Variants in ZMYM1 observed in about 807,000 individuals in gnomAD.
The protein encoded by ZMYM1 is zinc finger MYM-type protein 1.
Under a neutral mutation model 60.0 loss-of-function variants are expected in ZMYM1, and 39 were observed. The observed-to-expected ratio is 0.65, with a 90% CI of 0.50 to 0.85. The LOEUF (loss-of-function observed/expected upper bound fraction) is 0.85, where lower values mean the gene tolerates loss of function less well. Among genes scored for constraint, ZMYM1 ranks in the 40% least tolerant of loss-of-function variants. ZMYM1 has a pLI of 0.00. For missense variants in ZMYM1, 1,171 were observed against 1,309.5 expected, an observed-to-expected ratio of 0.89 and a Z score of 1.63; for synonymous variants, 413 against 454.0, an observed-to-expected ratio of 0.91 and a Z score of 1.15.
intron 8 of ZMYM1, 64 bp downstream of exon 8, chr1:35,111,976 A>G: frequency 1.9e-6 from 3 of 1,557,568 alleles, no homozygotes; most frequent in Admixed American, 4.0e-5. Flanking sequence ...AAATCTGTCT[A>G]TATGCTAAAT....
At chr1:35,100,614 C>A (rs1272395697) in intron 4 of ZMYM1, among the ~76,000 whole-genome samples, 2 of 149,412 alleles carry the variant, frequency 1.3e-5, no homozygotes, top group Non-Finnish European at 3.0e-5. Flanking sequence ...GGAGTGAGAC[C>A]CTGTCTCAAA....
At chr1:35,076,513 C>T (rs1642168511), upstream of ZMYM1, among the ~76,000 whole-genome samples, 1 of 150,952 alleles carries the variant, frequency 6.6e-6, no homozygotes, top group Non-Finnish European at 1.5e-5. Flanking sequence ...CCCAACTACT[C>T]AGGAGGCTGA....
chr1:35,115,289 C>T lies in ZMYM1; in HGVS notation c.*30C>T. The T allele has an allele frequency of 6.6e-7, 1 of 1,507,442 alleles. No individual in the cohort carries two copies. The highest frequency in any genetic ancestry group is 8.8e-7 in the Non-Finnish European group (1 of 1,135,982). 93.4% of individuals were successfully genotyped at this position (1,507,442 alleles called of 1,614,324 possible). ...TGCTCATTTGAACTTACCTAAAAGA[C>T]TTGTATTTCCATTGGGATGTTTTCA... On this transcript the variant is annotated 3_prime_UTR_variant, in exon 10 of 10. Coordinates refer to ENST00000359858, the MANE Select transcript of ZMYM1 (RefSeq NM_024772.5).
intron 2 of ZMYM1, among the ~76,000 whole-genome samples, chr1:35,094,945 G>A (rs1332317690): frequency 1.3e-5 from 2 of 152,086 alleles, no homozygotes; most frequent in Non-Finnish European, 2.9e-5. Flanking sequence ...TTTATTTGTA[G>A]TATTCTATTT....
At chr1:35,067,658 T>A (rs1043465871) in intron 1 of ZMYM1, among the ~76,000 whole-genome samples, 3 of 151,984 alleles carry the variant, frequency 2.0e-5, no homozygotes, top group African/African-American at 7.2e-5. Flanking sequence ...GTGGATCACC[T>A]GAAGTCGGGA....
chr1:35,106,789 T>TTTTC (rs1176938928), intron 6 of ZMYM1, among the ~76,000 whole-genome samples: 1 of 151,956 alleles, frequency 6.6e-6, no homozygotes, highest in East Asian at 1.9e-4. Flanking sequence ...ATTCCTTTTT[T>TTTTC]TTTCTTTCTT....
intron 1 of ZMYM1, among the ~76,000 whole-genome samples, chr1:35,084,494 G>A (rs1420975127): frequency 1.3e-5 from 2 of 152,238 alleles, no homozygotes; most frequent in Non-Finnish European, 2.9e-5. Context: ...GTTGAGGGTT[G>A]ATTATAGGTC....
intron 1 of ZMYM1, among the ~76,000 whole-genome samples, chr1:35,092,543 C>T (rs1427026927): frequency 6.6e-6 from 1 of 151,862 alleles, no homozygotes; most frequent in Non-Finnish European, 1.5e-5. Flanking sequence ...GCCCGGCCAA[C>T]AGGTCTTTTC....
At chr1:35,068,640 A>C (rs866381035) in intron 1 of ZMYM1, among the ~76,000 whole-genome samples, 12 of 118,138 alleles carry the variant, frequency 1.0e-4, no homozygotes, top group African/African-American at 4.6e-4. Context: ...ATCCATACGC[A>C]AAAAAAAAAA....
chr1:35,076,918 A>G (rs1569853484), upstream of ZMYM1, among the ~76,000 whole-genome samples: 6 of 150,990 alleles, frequency 4.0e-5, no homozygotes, highest in South Asian at 1.3e-3. Context: ...CAGGGTGACA[A>G]GAGCAAAACT....
intron 1 of ZMYM1, among the ~76,000 whole-genome samples, chr1:35,072,647 A>T (rs556400228): frequency 2.8e-4 from 42 of 152,080 alleles, no homozygotes; most frequent in African/African-American, 9.9e-4. Flanking sequence ...TAGGTAGTTA[A>T]TTAGAAATAT....
chr1:35,097,111 A>G (rs907266921), intron 3 of ZMYM1, among the ~76,000 whole-genome samples: 2 of 152,176 alleles, frequency 1.3e-5, no homozygotes, highest in African/African-American at 4.8e-5. Flanking sequence ...GGCGTGAGCC[A>G]CCGCACCAGG....
chr1:35,110,588 G>A (rs2148565199), intron 7 of ZMYM1, 141 bp downstream of exon 7: 1 of 743,518 alleles, frequency 1.3e-6, no homozygotes, highest in Non-Finnish European at 1.8e-6. Flanking sequence ...GCAAAGAACT[G>A]TTTTTCAGTA....
chr1:35,111,986 T>G, intron 8 of ZMYM1, 74 bp downstream of exon 8: 15 of 1,555,502 alleles, frequency 9.6e-6, no homozygotes, highest in Non-Finnish European at 1.3e-5. Context: ...ATATGCTAAA[T>G]TTTCTTTTTG....
At position 35,104,540 on chromosome 1, in the gene ZMYM1, T is replaced by C; in HGVS notation, c.595-17T>C. Reference sequence around the variant, plus strand: ...TAAATATCAGAGTTTTTACTGAATCTTTTTATTAAATCCTAGATTCAGTAT... The same window carrying C: ...TAAATATCAGAGTTTTTACTGAATCCTTTTATTAAATCCTAGATTCAGTAT... On this transcript the variant is annotated splice_polypyrimidine_tract_variant and intron_variant, in intron 5 of 9. Coordinates refer to ENST00000359858, the MANE Select transcript of ZMYM1 (RefSeq NM_024772.5). 1 of 1,613,144 alleles carries C rather than the reference T, an allele frequency of 6.2e-7. No individual in the cohort carries two copies. The highest frequency in any genetic ancestry group is 8.5e-7 in the Non-Finnish European group (1 of 1,179,252).
At chr1:35,064,688 T>TTTG (rs1231049560) in intron 1 of ZMYM1, among the ~76,000 whole-genome samples, 54 of 100,090 alleles carry the variant, frequency 5.4e-4, no homozygotes, top group Middle Eastern at 4.1e-3. Flanking sequence ...ATATATTTCT[T>TTTG]TTTTTTTTTT....
intron 1 of ZMYM1, among the ~76,000 whole-genome samples, chr1:35,084,950 T>G (rs961670195): frequency 2.0e-5 from 3 of 152,076 alleles, no homozygotes; most frequent in African/African-American, 7.2e-5. Flanking sequence ...CCCTTACCAG[T>G]AAAGTCTGTT....
At position 35,104,342 on chromosome 1, in the gene ZMYM1, C is replaced by T. The variant is rs1046014506; in HGVS notation, c.467C>T (p.Thr156Ile). 4.7e-5 allele frequency: 76 copies of T among 1,610,212 alleles called. No individual in the cohort carries two copies. Among genetic ancestry groups the T allele is most frequent in the Non-Finnish European group, 6.4e-5 (75 of 1,178,996 alleles). The change falls in exon 5 of 10, where the codon ACT (threonine) becomes ATT (isoleucine). Residue 156 changes from threonine to isoleucine, a missense_variant. Coordinates refer to ENST00000359858, the MANE Select transcript of ZMYM1 (RefSeq NM_024772.5). ...GTGATTAGTGTCCAGCTGGAAGACACTACCTCTTGCAAAACTTTTTGCAGC... is the reference window on the plus strand; with the variant it reads ...GTGATTAGTGTCCAGCTGGAAGACATTACCTCTTGCAAAACTTTTTGCAGC... ...KDVISVQLEDTTSCKTFCSLS... is the reference protein window; with the variant it reads ...KDVISVQLEDITSCKTFCSLS...
chr1:35,104,282 T>C lies in ZMYM1; in HGVS notation c.420-13T>C, dbSNP rs1310711337. 1 of 1,553,334 alleles carries C rather than the reference T, an allele frequency of 6.4e-7. No individual in the cohort carries two copies. The highest frequency in any genetic ancestry group is 2.1e-5 in the Admixed American group (1 of 47,130). On this transcript the variant is annotated splice_polypyrimidine_tract_variant and intron_variant, in intron 4 of 9. Coordinates refer to ENST00000359858, the MANE Select transcript of ZMYM1 (RefSeq NM_024772.5). ...TTAAACTGTTTAATGATGTCCTTGT[T>C]ATTTATTCTTAGAGACATTTTAAAT...
Sources: allele counts gnomAD v4.1 joint callset (sites outside exome capture counted in the v4.1 genomes callset), GRCh38; gene constraint gnomAD v4.1.1; transcripts MANE v1.5; gene names NCBI Gene and HGNC (gene_info 2026-07-23, HGNC 2026-07-21).